NCALD: variants seen among roughly 807,000 people sequenced by gnomAD.
NCALD encodes the protein neurocalcin delta.
In NCALD, 10 loss-of-function variants were observed where a neutral mutation model predicts 18.6. That is an observed-to-expected ratio of 0.54 (90% CI 0.33 to 0.91). The LOEUF (loss-of-function observed/expected upper bound fraction) is 0.91. NCALD is among the 40% of genes least tolerant of loss of function. NCALD has a pLI of 0.03. For missense variants in NCALD, 184 were observed against 247.6 expected (o/e 0.74, Z 1.72); for synonymous variants, 88 against 87.4 (o/e 1.01, Z -0.04).
At chr8:102,101,473 C>T (rs685501) in intron 1 of NCALD, among the ~76,000 whole-genome samples, 47,419 of 152,090 alleles carry the variant, frequency 0.31, 7,637 homozygotes, top group East Asian at 0.43. Flanking sequence ...GGCAGAAAGC[C>T]GAGTCCTAAC....
intron 1 of NCALD, among the ~76,000 whole-genome samples, chr8:101,789,282 C>T (rs1812359919): frequency 6.6e-6 from 1 of 151,934 alleles, no homozygotes; most frequent in Admixed American, 6.5e-5. Context: ...AAGAATATGG[C>T]CTCTGGGTTA....
intron 4 of NCALD, among the ~76,000 whole-genome samples, chr8:101,884,886 G>C (rs1192017480): frequency 6.6e-6 from 1 of 152,076 alleles, no homozygotes; most frequent in Non-Finnish European, 1.5e-5. Flanking sequence ...CGTGCTCTCA[G>C]CCTCTGAGAT....
At chr8:101,883,853 GGA>G (rs755763608) in intron 4 of NCALD, among the ~76,000 whole-genome samples, 1 of 152,060 alleles carries the variant, frequency 6.6e-6, no homozygotes, top group Non-Finnish European at 1.5e-5. Context: ...ATGGGAACAG[GGA>G]TTTTGTCTTG....
intron 1 of NCALD, among the ~76,000 whole-genome samples, chr8:101,760,658 A>T (rs6982154): frequency 1 from 152,177 of 152,348 alleles, 76,010 homozygotes; most frequent in Middle Eastern, 1. Flanking sequence ...CTCAGCTTTA[A>T]GTTAAACATA....
chr8:102,066,266 T>C (rs962487030), intron 1 of NCALD, among the ~76,000 whole-genome samples: 4 of 152,236 alleles, frequency 2.6e-5, no homozygotes, highest in African/African-American at 9.6e-5. Context: ...TCACTCAGTC[T>C]TCCTGAAATA....
At chr8:101,821,013 G>C (rs1813699382) in intron 4 of NCALD, among the ~76,000 whole-genome samples, 1 of 152,126 alleles carries the variant, frequency 6.6e-6, no homozygotes, top group African/African-American at 2.4e-5. Flanking sequence ...TTCTTCAAAA[G>C]AGAATAATGT....
At chr8:102,108,131 C>T (rs1462268657) in intron 1 of NCALD, among the ~76,000 whole-genome samples, 1 of 152,208 alleles carries the variant, frequency 6.6e-6, no homozygotes, top group South Asian at 2.1e-4. Context: ...CCAGCTCCCC[C>T]GCCTCAGCTG....
chr8:101,799,331 G>A (rs1316257609), intron 4 of NCALD, among the ~76,000 whole-genome samples: 1 of 152,186 alleles, frequency 6.6e-6, no homozygotes, highest in Non-Finnish European at 1.5e-5. Flanking sequence ...TTGCTGGTGG[G>A]AATGTAAACT....
intron 4 of NCALD, among the ~76,000 whole-genome samples, chr8:101,857,492 T>C (rs566120037): frequency 4.9e-4 from 74 of 152,244 alleles, no homozygotes; most frequent in Non-Finnish European, 8.4e-4. Flanking sequence ...AGAAATAATA[T>C]AATAGGGACT....
chr8:102,113,554 G>T (rs1437852719), intron 1 of NCALD, among the ~76,000 whole-genome samples: 1 of 152,146 alleles, frequency 6.6e-6, no homozygotes, highest in Middle Eastern at 3.2e-3. Flanking sequence ...TACAAAATAT[G>T]GTAGGCCGGC....
Position 101,753,192 on chromosome 8 carries a change from T to A in NCALD, c.-19-33544A>T, listed in dbSNP as rs972623520. Among the ~76,000 whole-genome samples the A allele has an allele frequency of 2.0e-5, 3 of 152,154 alleles. No individual in the cohort carries two copies. The East Asian group carries it at 5.8e-4, about 29-fold the overall frequency. Reference sequence around the variant, plus strand: ...TTGCATCCGAATTGAGTCTTGAGAATCTTAAAGTTAAGAAATGGTATAATC... The same window carrying A: ...TTGCATCCGAATTGAGTCTTGAGAAACTTAAAGTTAAGAAATGGTATAATC... On this transcript the variant is annotated intron_variant, in intron 1 of 3. Transcript: ENST00000220931.
At chr8:101,883,817 G>A (rs1436619077) in intron 4 of NCALD, among the ~76,000 whole-genome samples, 1 of 152,052 alleles carries the variant, frequency 6.6e-6, no homozygotes, top group Non-Finnish European at 1.5e-5. Flanking sequence ...CATATTATCT[G>A]CCTGTTCCAC....
intron 1 of NCALD, among the ~76,000 whole-genome samples, chr8:101,752,970 T>TTTTTTTTTTTTTTTTTTTTTTTTGAG (rs1810721488): frequency 6.6e-6 from 1 of 152,148 alleles, no homozygotes; most frequent in African/African-American, 2.4e-5. Context: ...ATTTTATTCT[T>TTTTTTTTTTTTTTTTTTTTTTTTGAG]ACAAGCCATC....
chr8:101,970,205 A>C (rs879378352), intron 2 of NCALD, among the ~76,000 whole-genome samples: 2 of 152,190 alleles, frequency 1.3e-5, no homozygotes, highest in African/African-American at 2.4e-5. Context: ...AGATTCTTAG[A>C]ATGTAGCAAA....
At chr8:102,022,186 C>A (rs1822300465) in intron 1 of NCALD, among the ~76,000 whole-genome samples, 1 of 152,036 alleles carries the variant, frequency 6.6e-6, no homozygotes, top group Non-Finnish European at 1.5e-5. Context: ...TCCATGGAGA[C>A]CAGCCTCCCT....
chr8:102,011,689 A>G (rs1330752923), intron 2 of NCALD, among the ~76,000 whole-genome samples: 1 of 152,240 alleles, frequency 6.6e-6, no homozygotes, highest in African/African-American at 2.4e-5. Context: ...ATTGAATTAT[A>G]TTCAAATTAT....
intron 1 of NCALD, among the ~76,000 whole-genome samples, chr8:102,073,954 G>C (rs1383421521): frequency 6.6e-6 from 1 of 152,132 alleles, no homozygotes; most frequent in Non-Finnish European, 1.5e-5. Context: ...GGAACACCTC[G>C]AGTTAGAGGT....
intron 2 of NCALD, among the ~76,000 whole-genome samples, chr8:102,006,551 C>CTGGCTTCT (rs1821721145): frequency 6.6e-6 from 1 of 152,224 alleles, no homozygotes; most frequent in Admixed American, 6.5e-5. Flanking sequence ...TCCCTGCCCT[C>CTGGCTTCT]TGGCTTCTTG....
At chr8:101,976,533 TG>T (rs1166934327) in intron 2 of NCALD, among the ~76,000 whole-genome samples, 2 of 152,252 alleles carry the variant, frequency 1.3e-5, no homozygotes, top group Non-Finnish European at 2.9e-5. Flanking sequence ...TTGTAGCATT[TG>T]ATGTATGCAA....
Sources: gnomAD v4.1 joint callset for allele counts (sites outside exome capture counted in the v4.1 genomes callset) on GRCh38, gnomAD v4.1.1 for gene constraint, MANE v1.5 for transcripts, NCBI Gene and HGNC (gene_info 2026-07-23, HGNC 2026-07-21) for gene names.